Variants in RFX7 observed in about 807,000 individuals in gnomAD.
RFX7 encodes DNA-binding protein RFX7.
In RFX7, 26 loss-of-function variants were observed where a neutral mutation model predicts 111.8. That is an observed-to-expected ratio of 0.23 (90% CI 0.17 to 0.32). The LOEUF (loss-of-function observed/expected upper bound fraction) is 0.32, where lower values mean the gene tolerates loss of function less well. Ranked by LOEUF, RFX7 falls within the 10% of genes least tolerant of loss-of-function variation. RFX7 has a pLI of 1.00. For synonymous variants in RFX7, 624 were observed against 624.4 expected, an observed-to-expected ratio of 1.00 and a Z score of 0.01; for missense variants, 1,573 against 1,772.9, an observed-to-expected ratio of 0.89 and a Z score of 2.02.
chr15:56,111,661 C>CAAAAAAAAAAAAAAAAAAAAAACA (rs371681721), intron 5 of RFX7, among the ~76,000 whole-genome samples: 12 of 95,544 alleles, frequency 1.3e-4, no homozygotes, highest in South Asian at 1.2e-3. Context: ...ATAAATAAAC[C>CAAAAAAAAAAAAAAAAAAAAAACA]AAAAAAAAAA....
chr15:56,149,947 C>G (rs1186633865), intron 3 of RFX7, among the ~76,000 whole-genome samples: 1 of 149,162 alleles, frequency 6.7e-6, no homozygotes, highest in Non-Finnish European at 1.5e-5. Context: ...GCCCAGGAAA[C>G]TAAGATCCGC....
chr15:56,184,935 CT>C (rs1290166793), intron 2 of RFX7, among the ~76,000 whole-genome samples: 3 of 152,118 alleles, frequency 2.0e-5, no homozygotes, highest in Non-Finnish European at 4.4e-5. Context: ...ATCTATGTAT[CT>C]TTTTAAAAAA....
At chr15:56,170,882 G>C (rs1377121280) in intron 3 of RFX7, among the ~76,000 whole-genome samples, 1 of 152,176 alleles carries the variant, frequency 6.6e-6, no homozygotes, top group African/African-American at 2.4e-5. Flanking sequence ...GCTGTGGGGA[G>C]AGTGGAGAAA....
At position 56,093,586 on chromosome 15, in the gene RFX7, G is replaced by A. The variant is rs1315814330; in HGVS notation, c.4142C>T (p.Ser1381Phe). The A allele has an allele frequency of 6.2e-7, 1 of 1,613,612 alleles. No homozygotes were observed. Among genetic ancestry groups the A allele is most frequent in the Non-Finnish European group, 8.5e-7 (1 of 1,179,744 alleles). Residue 1381 changes from serine to phenylalanine, a missense_variant, in exon 10 of 10, where the codon TCT becomes TTT. Transcript: ENST00000559447. ...CTCAGAAGACAACCTGATATCGCTA[G>A]AGAAATCAGATGCAGTATTAGTGAG... ...SDLTNTASDF[S>F]SDIRLSSELS...
intron 2 of RFX7, among the ~76,000 whole-genome samples, chr15:56,195,028 T>G (rs1477231042): frequency 7.9e-5 from 12 of 152,194 alleles, no homozygotes; most frequent in African/African-American, 2.6e-4. Flanking sequence ...AGTGGATGAA[T>G]GGATAAACAA....
At chr15:56,137,243 C>A (rs1382863869) in intron 5 of RFX7, among the ~76,000 whole-genome samples, 2 of 152,032 alleles carry the variant, frequency 1.3e-5, no homozygotes, top group Non-Finnish European at 2.9e-5. Flanking sequence ...TCCATCTGGT[C>A]CTGGACTCTT....
intron 3 of RFX7, among the ~76,000 whole-genome samples, chr15:56,174,720 C>A (rs560152451): frequency 2.0e-5 from 3 of 152,240 alleles, no homozygotes; most frequent in African/African-American, 7.2e-5. Context: ...GCACTAAAGC[C>A]TGGTTGATAG....
At chr15:56,100,426 A>G (rs989928009) in intron 8 of RFX7, among the ~76,000 whole-genome samples, 11 of 152,202 alleles carry the variant, frequency 7.2e-5, no homozygotes, top group Admixed American at 5.2e-4. Context: ...TTACACACAC[A>G]TACATCCCAC....
chr15:56,132,365 C>G (rs1473244704), intron 5 of RFX7, among the ~76,000 whole-genome samples: 1 of 151,798 alleles, frequency 6.6e-6, no homozygotes, highest in African/African-American at 2.4e-5. Flanking sequence ...ATAGTATTAC[C>G]AGAAGAACAG....
Position 56,096,267 on chromosome 15 carries a change from G to A in RFX7, c.1461C>T (p.Thr487=), listed in dbSNP as rs2041676071. The part of the protein sequence containing the change: ...TISLTPSNSN[T]PLKHSASVSS... ...TGACTGAGGCAGAATGTTTAAGAGG[G>A]GTGTTACTGTTGCTGGGTGTGAGGG... Residue 487 remains threonine, a synonymous_variant, in exon 10 of 10, where the codon ACC becomes ACT. Transcript: ENST00000559447. 6 of 1,613,952 alleles carry A rather than the reference G, an allele frequency of 3.7e-6. No homozygotes were observed. Among genetic ancestry groups the A allele is most frequent in the Non-Finnish European group, 5.1e-6 (6 of 1,179,876 alleles).
chr15:56,142,839 T>C lies in RFX7; in HGVS notation c.340A>G (p.Asn114Asp). Residue 114 changes from asparagine to aspartate, a missense_variant, in exon 5 of 10, where the codon AAT becomes GAT. Transcript: ENST00000559447. ...GTCTCCGGATGTTCCTCTAGGGTAT[T>C]CCGAATCCAGGAAAAGGCATGCATT... is the stretch of plus-strand genomic sequence containing the variant. Reference protein sequence around the residue: ...QQMHAFSWIRNTLEEHPETSL... With the variant: ...QQMHAFSWIRDTLEEHPETSL... 6.2e-7 allele frequency: 1 copy of C among 1,613,616 alleles called. No individual in the cohort carries two copies. The highest frequency in any genetic ancestry group is 8.5e-7 in the Non-Finnish European group (1 of 1,179,726).
chr15:56,160,468 A>G (rs186838873), intron 3 of RFX7, among the ~76,000 whole-genome samples: 4 of 152,200 alleles, frequency 2.6e-5, no homozygotes, highest in Admixed American at 6.5e-5. Flanking sequence ...TGGAGGGAAC[A>G]TAAATACACT....
At chr15:56,172,064 A>C (rs897372422) in intron 3 of RFX7, among the ~76,000 whole-genome samples, 1 of 152,094 alleles carries the variant, frequency 6.6e-6, no homozygotes. Context: ...TAAAAATGAG[A>C]ATGTACCAAA....
chr15:56,233,376 A>G (rs2043589429), intron 2 of RFX7, among the ~76,000 whole-genome samples: 1 of 152,210 alleles, frequency 6.6e-6, no homozygotes, highest in African/African-American at 2.4e-5. Flanking sequence ...AACTGCCCCC[A>G]TGATTCAATT....
chr15:56,218,709 A>C (rs2043393926), intron 2 of RFX7, among the ~76,000 whole-genome samples: 1 of 152,186 alleles, frequency 6.6e-6, no homozygotes, highest in Admixed American at 6.5e-5. Flanking sequence ...ATCCAAACCA[A>C]GCAAAAAAAC....
At chr15:56,208,035 C>T (rs1252025773) in intron 2 of RFX7, among the ~76,000 whole-genome samples, 1 of 152,144 alleles carries the variant, frequency 6.6e-6, no homozygotes, top group African/African-American at 2.4e-5. Flanking sequence ...CCAGGGAAAT[C>T]CAGTAATCAA....
At position 56,096,198 on chromosome 15, in the gene RFX7, C is replaced by G; in HGVS notation, c.1530G>C (p.Gln510His). 1.2e-6 allele frequency: 2 copies of G among 1,613,954 alleles called. No individual in the cohort carries two copies. Among genetic ancestry groups the G allele is most frequent in the Non-Finnish European group, 8.5e-7 (1 of 1,179,868 alleles). Residue 510 changes from glutamine to histidine, a missense_variant, in exon 10 of 10, where the codon CAG (glutamine) becomes CAC (histidine). Around this residue, in one of 7 missense-constraint regions of RFX7, gnomAD observed 625 missense variants for 632.2 expected, o/e 0.99. Transcript: ENST00000559447. The stretch of plus-strand genomic sequence containing the variant: ...GCGACACGACAGAACCATTCTTGAT[C>G]TGTGGAACACTCCTTGATTCTTCTG... Reference protein sequence around the residue: ...GTTEESRSVPQIKNGSVVSLQ... With the variant: ...GTTEESRSVPHIKNGSVVSLQ...
rs115035269 is a variant in RFX7, at chr15:56,206,806, A to T, written c.162-27503T>A. 5.2e-3 allele frequency among the ~76,000 whole-genome samples: 786 copies of T among 151,808 alleles called. 4 individuals are homozygous for T. The highest frequency in any genetic ancestry group is 0.018 in the African/African-American group (750 of 41,362). On this transcript the variant is annotated intron_variant, in intron 2 of 9. Coordinates refer to ENST00000559447, the MANE Select transcript of RFX7 (RefSeq NM_022841.7). Reference sequence around the variant, plus strand: ...TGGAAGGTAAAAATTAAAACAACTGAATTCATGGGGAGAAAGTGAGAGAGA... The same window carrying T: ...TGGAAGGTAAAAATTAAAACAACTGTATTCATGGGGAGAAAGTGAGAGAGA...
In RFX7 at chr15:56,087,795, CT is replaced by C. The variant is rs1310509934; in HGVS notation, c.*5549del. The C allele has an allele frequency of 3.1e-6, 1 of 327,210 alleles. No homozygotes were observed. The highest frequency in any genetic ancestry group is 2.2e-5 in the African/African-American group (1 of 46,152). 20.3% of individuals were successfully genotyped at this position (327,210 alleles called of 1,614,324 possible). Reference sequence around the variant, plus strand: ...AAATGGCAGGTGTCTTCTCTAGCACCTTGTACAGAGACTGACATATTTTAGG... The same window carrying C: ...AAATGGCAGGTGTCTTCTCTAGCACCTGTACAGAGACTGACATATTTTAGG... On this transcript the variant is annotated 3_prime_UTR_variant, in exon 10 of 10. Coordinates refer to ENST00000559447, the MANE Select transcript of RFX7 (RefSeq NM_022841.7).
Sources: allele counts gnomAD v4.1 joint callset (sites outside exome capture counted in the v4.1 genomes callset), GRCh38; gene constraint gnomAD v4.1.1; regional missense constraint gnomAD v4.1.1; transcripts MANE v1.5; gene names NCBI Gene and HGNC (gene_info 2026-07-23, HGNC 2026-07-21).